The following VTCN1 variants were observed in gnomAD, a reference collection of about 807,000 sequenced individuals.
VTCN1 encodes the protein V-set domain-containing T-cell activation inhibitor 1.
In VTCN1, 26 loss-of-function variants were observed where a neutral mutation model predicts 26.5. The observed-to-expected ratio is 0.98, with a 90% CI of 0.72 to 1.36. The LOEUF is 1.36. Ranked by LOEUF, VTCN1 falls within the 40% of genes most tolerant of loss-of-function variation. The probability of loss-of-function intolerance (pLI) is 0.00; values close to 1 mark genes in which losing one functional copy is unlikely to be tolerated. For synonymous variants in VTCN1, 116 were observed against 130.7 expected (o/e 0.89, Z 0.77); for missense variants, 298 against 337.7 (o/e 0.88, Z 0.92).
intron 2 of VTCN1, among the ~76,000 whole-genome samples, chr1:117,168,284 C>A (rs988083169): frequency 6.6e-6 from 1 of 152,148 alleles, no homozygotes; most frequent in African/African-American, 2.4e-5. Context: ...ACGTGATTTA[C>A]GACCATGACG....
At chr1:117,207,960 TG>T (rs2101613343) in intron 1 of VTCN1, among the ~76,000 whole-genome samples, 1 of 152,328 alleles carries the variant, frequency 6.6e-6, no homozygotes, top group Non-Finnish European at 1.5e-5. Context: ...ACTCTTCTTC[TG>T]GCCTCCAGGC....
At chr1:117,190,577 G>T (rs772168915) in intron 1 of VTCN1, among the ~76,000 whole-genome samples, 3 of 152,144 alleles carry the variant, frequency 2.0e-5, no homozygotes, top group Admixed American at 6.5e-5. Flanking sequence ...CAGACCTTTG[G>T]TTCAGTATCA....
At position 117,158,602 on chromosome 1, in the gene VTCN1, T is replaced by C. The variant is rs550615481; in HGVS notation, c.98-1681A>G. Among the ~76,000 whole-genome samples the C allele has an allele frequency of 2.0e-5, 3 of 152,310 alleles. No individual in the cohort carries two copies. In the South Asian group the frequency reaches 6.2e-4, roughly 32 times the overall value. ...TGGGAGGGGCAGCCATGAAGACCTCTGACATACCCTGCAGACATTTTCCCC... is the reference window on the plus strand; with the variant it reads ...TGGGAGGGGCAGCCATGAAGACCTCCGACATACCCTGCAGACATTTTCCCC... On this transcript the variant is annotated intron_variant, in intron 2 of 5. Coordinates refer to ENST00000369458, the MANE Select transcript of VTCN1 (RefSeq NM_024626.4).
intron 1 of VTCN1, among the ~76,000 whole-genome samples, chr1:117,188,160 A>T (rs1648055731): frequency 6.6e-6 from 1 of 152,214 alleles, no homozygotes; most frequent in Non-Finnish European, 1.5e-5. Context: ...GGGGAACACC[A>T]TGGATTAGAA....
chr1:117,149,293 G>GT (rs1553206854), intron 4 of VTCN1, among the ~76,000 whole-genome samples: 318 of 141,404 alleles, frequency 2.2e-3, no homozygotes, highest in Middle Eastern at 7.4e-3. Context: ...TTTGGGGTGG[G>GT]TTTTTTTTTT....
intron 2 of VTCN1, among the ~76,000 whole-genome samples, chr1:117,162,633 A>G (rs1226362326): frequency 6.6e-6 from 1 of 152,150 alleles, no homozygotes; most frequent in Non-Finnish European, 1.5e-5. Flanking sequence ...ACCCCTTTAA[A>G]ATTGGAAGAC....
At chr1:117,179,132 A>G (rs1341007919) in intron 1 of VTCN1, among the ~76,000 whole-genome samples, 1 of 152,184 alleles carries the variant, frequency 6.6e-6, no homozygotes, top group Non-Finnish European at 1.5e-5. Context: ...GGGTTTCTCA[A>G]ACTCCGTACT....
At chr1:117,187,141 C>A (rs1216681791) in intron 1 of VTCN1, among the ~76,000 whole-genome samples, 1 of 151,294 alleles carries the variant, frequency 6.6e-6, no homozygotes, top group East Asian at 1.9e-4. Context: ...TGAAACCCTG[C>A]CTCTACAAAA....
At chr1:117,168,093 A>C (rs17036896) in intron 2 of VTCN1, among the ~76,000 whole-genome samples, 2,381 of 152,322 alleles carry the variant, frequency 0.016, 69 homozygotes, top group African/African-American at 0.055. Context: ...ATTCAGAAAC[A>C]GATCAGAAAC....
In VTCN1 at chr1:117,147,767, C is replaced by T. The variant is rs547161106; in HGVS notation, c.740G>A (p.Arg247Lys). The change falls in exon 5 of 6, where the codon AGG becomes AAG. Residue 247 changes from arginine (R) to lysine (K), a missense_variant. Coordinates refer to ENST00000369458, the MANE Select transcript of VTCN1 (RefSeq NM_024626.4). This position sits in a 1 kb window ranked among gnomAD's most constrained non-coding sequence, Gnocchi z 4.6. The part of the protein sequence containing the change: ...DIKVTESEIK[R>K]RSHLQLLNSK... The stretch of plus-strand genomic sequence containing the variant: ...GTTTAGCAGCTGTAGGTGACTCCGC[C>T]TTTTGATCTCCGATTCTGTGAAGTG... 120 of 1,613,430 alleles carry T rather than the reference C, an allele frequency of 7.4e-5. 1 individual carries two copies. The South Asian group carries it at 1.1e-3, about 15-fold the overall frequency.
At chr1:117,184,354 C>T (rs768137040) in intron 1 of VTCN1, among the ~76,000 whole-genome samples, 5 of 151,998 alleles carry the variant, frequency 3.3e-5, no homozygotes, top group Non-Finnish European at 5.9e-5. Flanking sequence ...CAGCATTAGC[C>T]AAGCAGGAGT....
At chr1:117,185,657 CACTT>C (rs1647900654) in intron 1 of VTCN1, among the ~76,000 whole-genome samples, 2 of 152,214 alleles carry the variant, frequency 1.3e-5, no homozygotes, top group African/African-American at 4.8e-5. Context: ...CGATAAGAAA[CACTT>C]ACAATGTATT....
intron 1 of VTCN1, among the ~76,000 whole-genome samples, chr1:117,178,143 T>G (rs1454374207): frequency 1.3e-5 from 2 of 152,216 alleles, no homozygotes; most frequent in South Asian, 2.1e-4. Context: ...CTCACTATGT[T>G]GCCCAGGCTG....
At chr1:117,181,406 C>A (rs1647664515) in intron 1 of VTCN1, among the ~76,000 whole-genome samples, 1 of 152,220 alleles carries the variant, frequency 6.6e-6, no homozygotes, top group Non-Finnish European at 1.5e-5. Context: ...TTTAAGACCA[C>A]CTTTAAATGC....
chr1:117,193,647 T>C (rs1483890978), intron 1 of VTCN1, among the ~76,000 whole-genome samples: 2 of 152,030 alleles, frequency 1.3e-5, no homozygotes, highest in African/African-American at 2.4e-5. Context: ...AAAACCAAAA[T>C]AGTAGGGGAC....
intron 1 of VTCN1, among the ~76,000 whole-genome samples, chr1:117,180,227 A>C (rs527609763): frequency 6.6e-6 from 1 of 152,188 alleles, no homozygotes; most frequent in South Asian, 2.1e-4. Context: ...CTTTCCTTAA[A>C]CCGTATTTGA....
intron 2 of VTCN1, among the ~76,000 whole-genome samples, chr1:117,157,910 C>T (rs374801917): frequency 8.5e-5 from 13 of 152,154 alleles, no homozygotes; most frequent in African/African-American, 2.9e-4. Flanking sequence ...AGAAATTGGC[C>T]AAAACAAAGT....
chr1:117,198,444 C>T (rs1648621707), intron 1 of VTCN1, among the ~76,000 whole-genome samples: 1 of 152,216 alleles, frequency 6.6e-6, no homozygotes, highest in African/African-American at 2.4e-5. Flanking sequence ...TTAGTCCTGG[C>T]CGGCCATTGT....
At chr1:117,190,476 T>G (rs550519958) in intron 1 of VTCN1, among the ~76,000 whole-genome samples, 1 of 152,234 alleles carries the variant, frequency 6.6e-6, no homozygotes, top group Non-Finnish European at 1.5e-5. Context: ...ACTCAGCAGG[T>G]ATCCTCCCAC....
Sources: allele counts gnomAD v4.1 joint callset (sites outside exome capture counted in the v4.1 genomes callset), GRCh38; gene constraint gnomAD v4.1.1; non-coding constraint Gnocchi (gnomAD v3.1); transcripts MANE v1.5; gene names NCBI Gene and HGNC (gene_info 2026-07-23, HGNC 2026-07-21).